The following SCARA5 variants were observed in gnomAD, a reference collection of about 807,000 sequenced individuals.
SCARA5 encodes the protein scavenger receptor class A member 5, also known as scavenger receptor class A, member 5 (putative).
A neutral mutation model predicts 46.3 loss-of-function variants in SCARA5; 45 were observed. The ratio of observed to expected loss-of-function variants is 0.97; its 90% CI spans 0.76 to 1.24. The LOEUF (loss-of-function observed/expected upper bound fraction) is 1.24. Ranked by LOEUF, SCARA5 falls within the 50% of genes most tolerant of loss-of-function variation. The pLI is 0.00. For synonymous variants in SCARA5, 333 were observed against 306.5 expected, an observed-to-expected ratio of 1.09 and a Z score of -0.90; for missense variants, 680 against 689.0, an observed-to-expected ratio of 0.99 and a Z score of 0.15.
In SCARA5 at chr8:27,978,195, T is replaced by A. The variant is rs1021467705; in HGVS notation, c.112+9309A>T. On this transcript the variant is annotated intron_variant, in intron 2 of 8. Transcript: ENST00000354914. Reference sequence around the variant, plus strand: ...GTGCCCACCACCACATCCGGCTAATTTTTTTTTTTTTTTTTAGGAGAGAAA... The same window carrying A: ...GTGCCCACCACCACATCCGGCTAATATTTTTTTTTTTTTTTAGGAGAGAAA... Among the ~76,000 whole-genome samples, 40 of 131,924 alleles carry A rather than the reference T, an allele frequency of 3.0e-4. No homozygotes were observed. The East Asian group carries it at 4.2e-3, about 14-fold the overall frequency. The allele number at this position is 131,924 out of a possible 152,430, so 86.5% of individuals were successfully genotyped here.
intron 7 of SCARA5, among the ~76,000 whole-genome samples, chr8:27,883,884 T>C (rs936142234): frequency 6.6e-6 from 1 of 152,168 alleles, no homozygotes; most frequent in East Asian, 1.9e-4. Flanking sequence ...TGGACTTTTG[T>C]TTTTCCTTTA....
intron 7 of SCARA5, among the ~76,000 whole-genome samples, chr8:27,898,249 G>GC (rs5890391): frequency 0.57 from 87,151 of 152,108 alleles, 27,844 homozygotes; most frequent in Non-Finnish European, 0.71. Context: ...TCTGCACACA[G>GC]CAGTGTAGAA....
chr8:27,955,788 C>T (rs1808198232), intron 3 of SCARA5, among the ~76,000 whole-genome samples: 1 of 152,186 alleles, frequency 6.6e-6, no homozygotes, highest in Non-Finnish European at 1.5e-5. Context: ...AGTTACTGGG[C>T]TCCTGTATTT....
At chr8:27,906,778 T>C (rs929253476) in intron 6 of SCARA5, among the ~76,000 whole-genome samples, 1 of 152,328 alleles carries the variant, frequency 6.6e-6, no homozygotes, top group South Asian at 2.1e-4. Context: ...TAGCTCACTA[T>C]AGCCTCCAAC....
chr8:27,882,355 T>C (rs1806825229), intron 7 of SCARA5, among the ~76,000 whole-genome samples: 1 of 152,242 alleles, frequency 6.6e-6, no homozygotes, highest in Non-Finnish European at 1.5e-5. Flanking sequence ...GCTATAAATA[T>C]CCATGTGCAG....
intron 3 of SCARA5, among the ~76,000 whole-genome samples, chr8:27,964,622 T>A (rs553111160): frequency 6.6e-6 from 1 of 152,104 alleles, no homozygotes; most frequent in Non-Finnish European, 1.5e-5. Context: ...CCTAATAACA[T>A]CCACCTGTTG....
At chr8:27,940,880 G>A (rs904211783) in intron 3 of SCARA5, among the ~76,000 whole-genome samples, 1 of 152,132 alleles carries the variant, frequency 6.6e-6, no homozygotes, top group Non-Finnish European at 1.5e-5. Flanking sequence ...CACTAACACT[G>A]AGAGCAAGAG....
chr8:27,877,252 C>T (rs1200776191), intron 8 of SCARA5, among the ~76,000 whole-genome samples: 1 of 152,190 alleles, frequency 6.6e-6, no homozygotes, highest in East Asian at 1.9e-4. Context: ...TGCAACCAGC[C>T]AAGGTCTTGA....
At chr8:27,877,772 C>A (rs1231305881) in intron 8 of SCARA5, among the ~76,000 whole-genome samples, 1 of 152,156 alleles carries the variant, frequency 6.6e-6, no homozygotes, top group Non-Finnish European at 1.5e-5. Flanking sequence ...CCTTCGAACT[C>A]GCCCCTCAAA....
At chr8:27,885,536 G>A (rs1365023196) in intron 7 of SCARA5, among the ~76,000 whole-genome samples, 1 of 152,198 alleles carries the variant, frequency 6.6e-6, no homozygotes, top group African/African-American at 2.4e-5. Context: ...TGCATGAATG[G>A]AGGGACTCAT....
At chr8:27,894,815 G>C (rs1023951814) in intron 7 of SCARA5, among the ~76,000 whole-genome samples, 6 of 152,204 alleles carry the variant, frequency 3.9e-5, no homozygotes, top group Non-Finnish European at 7.3e-5. Context: ...CTGCATCCTT[G>C]TGGTTCCAAA....
At chr8:27,950,299 C>T (rs939359338) in intron 3 of SCARA5, among the ~76,000 whole-genome samples, 5 of 152,286 alleles carry the variant, frequency 3.3e-5, no homozygotes, top group East Asian at 1.9e-4. Context: ...GGAATATGCA[C>T]GACTACCTGG....
At chr8:27,907,460 G>A (rs1360890841) in intron 5 of SCARA5, among the ~76,000 whole-genome samples, 1 of 152,108 alleles carries the variant, frequency 6.6e-6, no homozygotes, top group African/African-American at 2.4e-5. Flanking sequence ...TCAGGCTTGG[G>A]ATCCTCCTGC....
intron 7 of SCARA5, among the ~76,000 whole-genome samples, chr8:27,902,312 C>T (rs116016196): frequency 0.017 from 2,586 of 152,166 alleles, 63 homozygotes; most frequent in African/African-American, 0.056. Flanking sequence ...AGGGGGTGGC[C>T]TCCCCCCACG....
chr8:27,904,813 TCTCCTTTTG>T lies in SCARA5; in HGVS notation c.1109_1117del (p.Pro370_Glu373delinsGln). 1 of 1,612,812 alleles carries T rather than the reference TCTCCTTTTG, an allele frequency of 6.2e-7. No homozygotes were observed. Among genetic ancestry groups the T allele is most frequent in the South Asian group, 1.1e-5 (1 of 90,824 alleles). ...AGCTCTGTCTCCTTTCTCTCCTTTC[TCTCCTTTTG>T]GGCCTCGGTCACCTAAAACAGAGGA... is the stretch of plus-strand genomic sequence containing the variant. On this transcript the variant is annotated inframe_deletion, in exon 7 of 9. Transcript: ENST00000354914.
intron 3 of SCARA5, among the ~76,000 whole-genome samples, chr8:27,944,069 C>T (rs527555680): frequency 8.5e-5 from 13 of 152,216 alleles, no homozygotes; most frequent in Middle Eastern, 3.4e-3. Context: ...TTAAACAAAC[C>T]CAAGTTAAAG....
chr8:27,966,306 T>C (rs1490621006), intron 3 of SCARA5, 108 bp downstream of exon 3: 4 of 1,165,106 alleles, frequency 3.4e-6, no homozygotes, highest in Admixed American at 5.2e-5. Context: ...ATGGTTTCCA[T>C]GGTGACAAGG....
intron 3 of SCARA5, among the ~76,000 whole-genome samples, chr8:27,934,502 A>G (rs974705373): frequency 6.6e-6 from 1 of 152,216 alleles, no homozygotes. Context: ...GGAAATTATC[A>G]GGCTTTCCAT....
chr8:27,922,084 G>T lies in SCARA5; in HGVS notation c.403C>A (p.Gln135Lys), dbSNP rs375830379. The T allele has an allele frequency of 1.1e-5, 18 of 1,600,098 alleles. No homozygotes were observed. The African/African-American group carries it at 1.7e-4, about 16-fold the overall frequency. ...GCCAGCGCCAGCAACGAGTCTGACT[G>T]GTTCTGCAGCGCGTCCTGCACCTTC... is the stretch of plus-strand genomic sequence containing the variant. The part of the protein sequence containing the change: ...VWKVQDALQN[Q>K]SDSLLALAGA... The change falls in exon 4 of 9, where the codon CAG (glutamine) becomes AAG (lysine). Residue 135 changes from glutamine to lysine, a missense_variant. Gln to Lys is a moderately conservative substitution (Grantham distance 53). Around this residue, in one of 3 missense-constraint regions of SCARA5, gnomAD observed 438 missense variants for 384.5 expected, o/e 1.14. Coordinates refer to ENST00000354914, the MANE Select transcript of SCARA5 (RefSeq NM_173833.6).
Sources: allele counts gnomAD v4.1 joint callset (sites outside exome capture counted in the v4.1 genomes callset), GRCh38; gene constraint gnomAD v4.1.1; regional missense constraint gnomAD v4.1.1; transcripts MANE v1.5; gene names NCBI Gene and HGNC (gene_info 2026-07-23, HGNC 2026-07-21).